RBFOX1: variants seen among roughly 807,000 people sequenced by gnomAD.
The protein encoded by RBFOX1 is RNA binding protein fox-1 homolog 1.
Under a neutral mutation model 57.7 loss-of-function variants are expected in RBFOX1, and 8 were observed. The ratio of observed to expected loss-of-function variants is 0.14; its 90% confidence interval spans 0.08 to 0.25. The LOEUF (loss-of-function observed/expected upper bound fraction) is 0.25. Ranked by LOEUF, RBFOX1 falls within the 10% of genes least tolerant of loss-of-function variation. RBFOX1 has a pLI of 1.00. For synonymous variants in RBFOX1, 326 were observed against 222.4 expected, an observed-to-expected ratio of 1.47 and a Z score of -4.15; for missense variants, 611 against 548.5, an observed-to-expected ratio of 1.11 and a Z score of -1.14.
chr16:5,568,877 G>T (rs1033502008), intron 2 of RBFOX1, among the ~76,000 whole-genome samples: 1 of 152,158 alleles, frequency 6.6e-6, no homozygotes, highest in Non-Finnish European at 1.5e-5. Context: ...GTCTTGCTCT[G>T]TTGCCCAGGT....
chr16:7,032,581 CTGTTTGTTTGTT>C (rs35455847), intron 3 of RBFOX1, among the ~76,000 whole-genome samples: 20,666 of 151,394 alleles, frequency 0.14, 2,585 homozygotes, highest in East Asian at 0.32. Context: ...ACAGCTATTT[CTGTTTGTTTGTT>C]TGTTTGTTTG....
chr16:6,327,044 AG>A (rs1381774832), intron 2 of RBFOX1, among the ~76,000 whole-genome samples: 1 of 152,180 alleles, frequency 6.6e-6, no homozygotes, highest in Admixed American at 6.5e-5. Flanking sequence ...GAAGACATGG[AG>A]GAAATGAGAT....
At chr16:6,653,001 A>T (rs952672423) in intron 2 of RBFOX1, among the ~76,000 whole-genome samples, 1 of 151,890 alleles carries the variant, frequency 6.6e-6, no homozygotes, top group South Asian at 2.1e-4. Flanking sequence ...ATTCCCCTTT[A>T]TTTTCCTCTC....
Position 7,400,572 on chromosome 16 carries a change from A to G in RBFOX1, c.28-117575A>G, listed in dbSNP as rs1597469900. Among the ~76,000 whole-genome samples, 3 of 152,278 alleles carry G rather than the reference A, an allele frequency of 2.0e-5. No individual in the cohort carries two copies. The East Asian group carries it at 5.8e-4, about 29-fold the overall frequency. On this transcript the variant is annotated intron_variant, in intron 4 of 15. Coordinates refer to ENST00000550418, the MANE Select transcript of RBFOX1 (RefSeq NM_018723.4). Reference sequence around the variant, plus strand: ...ATTCTTCAAGAACACAGTTTGTATTACCATCTCCCAGCAAGAAGAAATTTG... The same window carrying G: ...ATTCTTCAAGAACACAGTTTGTATTGCCATCTCCCAGCAAGAAGAAATTTG...
chr16:5,269,246 CT>C (rs1255715298), intron 1 of RBFOX1, among the ~76,000 whole-genome samples: 1 of 152,212 alleles, frequency 6.6e-6, no homozygotes, highest in African/African-American at 2.4e-5. Flanking sequence ...TCCAGCCATC[CT>C]TATGGGTATG....
At chr16:5,950,338 G>T (rs2152275669) in intron 4 of RBFOX1, among the ~76,000 whole-genome samples, 1 of 152,304 alleles carries the variant, frequency 6.6e-6, no homozygotes, top group East Asian at 1.9e-4. Flanking sequence ...ACGATGTGAA[G>T]ATTTCATTTC....
At chr16:5,890,996 A>G (rs2058033265) in intron 4 of RBFOX1, among the ~76,000 whole-genome samples, 1 of 152,230 alleles carries the variant, frequency 6.6e-6, no homozygotes, top group South Asian at 2.1e-4. Context: ...AACTGAGATT[A>G]TAGCTCATCT....
intron 4 of RBFOX1, among the ~76,000 whole-genome samples, chr16:7,152,128 G>A (rs79072700): frequency 4.4e-4 from 67 of 152,270 alleles, no homozygotes; most frequent in African/African-American, 1.5e-3. Context: ...TAAAACAAAA[G>A]AAGGTGTCAA....
intron 1 of RBFOX1, among the ~76,000 whole-genome samples, chr16:6,113,936 C>G (rs1406181685): frequency 6.6e-6 from 1 of 152,160 alleles, no homozygotes; most frequent in Non-Finnish European, 1.5e-5. Context: ...ATCTGATACT[C>G]TAGGGCTGGT....
intron 3 of RBFOX1, among the ~76,000 whole-genome samples, chr16:6,845,448 A>G (rs547239758): frequency 2.0e-5 from 3 of 151,956 alleles, no homozygotes; most frequent in Non-Finnish European, 4.4e-5. Flanking sequence ...TCCTTTCCCC[A>G]TTGCTTGTTT....
At chr16:7,445,158 A>C (rs1235823851) in intron 4 of RBFOX1, among the ~76,000 whole-genome samples, 2 of 152,170 alleles carry the variant, frequency 1.3e-5, no homozygotes, top group Non-Finnish European at 2.9e-5. Flanking sequence ...TAAAGGGCTC[A>C]GCATGTGCCT....
At chr16:5,738,120 T>A (rs1305298457) in intron 3 of RBFOX1, among the ~76,000 whole-genome samples, 1 of 152,044 alleles carries the variant, frequency 6.6e-6, no homozygotes, top group Non-Finnish European at 1.5e-5. Flanking sequence ...GGTTTTCTGT[T>A]CCTGTGTTAG....
intron 4 of RBFOX1, among the ~76,000 whole-genome samples, chr16:7,160,064 A>G (rs927320325): frequency 5.9e-5 from 9 of 152,170 alleles, no homozygotes; most frequent in African/African-American, 1.9e-4. Flanking sequence ...TGCTGTAAAT[A>G]TTCAAGGGAC....
At chr16:5,419,741 G>T (rs1447215761) in intron 1 of RBFOX1, among the ~76,000 whole-genome samples, 1 of 151,994 alleles carries the variant, frequency 6.6e-6, no homozygotes, top group Admixed American at 6.6e-5. Flanking sequence ...GACCTGAAAG[G>T]CAGAGGGCTT....
intron 2 of RBFOX1, among the ~76,000 whole-genome samples, chr16:6,445,044 G>A (rs1374456535): frequency 2.0e-5 from 3 of 152,044 alleles, no homozygotes; most frequent in Non-Finnish European, 2.9e-5. Flanking sequence ...ACCCTGTTGA[G>A]GTGGAAACAG....
In RBFOX1 at chr16:6,351,369, TATA is replaced by T. The variant is rs1363811272; in HGVS notation, c.-64+34313_-64+34315del. On this transcript the variant is annotated intron_variant, in intron 2 of 15. Transcript: ENST00000550418. Reference sequence around the variant, plus strand: ...GTGTGTGTGTATATATATATATATATATATTTTTTTTTTTTTTTCTTGAGGCAG... The same window carrying T: ...GTGTGTGTGTATATATATATATATATTTTTTTTTTTTTTTTCTTGAGGCAG... 3.3e-3 allele frequency among the ~76,000 whole-genome samples: 286 copies of T among 87,120 alleles called. 4 individuals are homozygous for T. The highest frequency in any genetic ancestry group is 0.013 in the African/African-American group (243 of 18,392). The allele number at this position is 87,120 out of a possible 152,430, so 57.2% of individuals were successfully genotyped here.
chr16:6,553,325 G>T (rs1419122960), intron 2 of RBFOX1, among the ~76,000 whole-genome samples: 1 of 152,238 alleles, frequency 6.6e-6, no homozygotes, highest in African/African-American at 2.4e-5. Context: ...ATCGTGAAGT[G>T]CAGACGTAGG....
At chr16:6,858,616 C>A (rs556394899) in intron 3 of RBFOX1, among the ~76,000 whole-genome samples, 30 of 152,196 alleles carry the variant, frequency 2.0e-4, no homozygotes, top group Middle Eastern at 6.8e-3. Context: ...ATGTGAGACT[C>A]AGACGATTTC....
chr16:7,521,981 G>C (rs2077604066), intron 5 of RBFOX1, among the ~76,000 whole-genome samples: 1 of 152,066 alleles, frequency 6.6e-6, no homozygotes, highest in African/African-American at 2.4e-5. Context: ...AAAAGCTCTT[G>C]GATTCATCCC....
Sources: gnomAD v4.1 joint callset for allele counts (sites outside exome capture counted in the v4.1 genomes callset) on GRCh38, gnomAD v4.1.1 for gene constraint, MANE v1.5 for transcripts, NCBI Gene and HGNC (gene_info 2026-07-23, HGNC 2026-07-21) for gene names.